Variants in EPHA6 observed in about 807,000 individuals in gnomAD.
EPHA6 encodes EPH receptor A6.
A neutral mutation model predicts 112.0 loss-of-function variants in EPHA6; 50 were observed. The observed-to-expected ratio is 0.45, with a 90% CI of 0.36 to 0.56. The LOEUF (loss-of-function observed/expected upper bound fraction) is 0.56, where lower values mean the gene tolerates loss of function less well. Among genes scored for constraint, EPHA6 ranks in the 20% least tolerant of loss-of-function variants. EPHA6 has a pLI of 0.00. For missense variants in EPHA6, 1,280 were observed against 1,417.4 expected, an observed-to-expected ratio of 0.90 and a Z score of 1.56; for synonymous variants, 529 against 490.7, an observed-to-expected ratio of 1.08 and a Z score of -1.03.
rs990357533 is a variant in EPHA6, at chr3:97,758,260, C to T, written c.*9559C>T. 6.6e-6 allele frequency among the ~76,000 whole-genome samples: 1 copy of T among 151,864 alleles called. No homozygotes were observed. The highest frequency in any genetic ancestry group is 1.9e-4 in the East Asian group (1 of 5,182). On this transcript the variant is annotated 3_prime_UTR_variant, in exon 18 of 18. Coordinates refer to ENST00000389672, the MANE Select transcript of EPHA6 (RefSeq NM_001080448.3). ...TCCCTACCTTACAACCTTGATCACT[C>T]TACCATTAAATGCAATAATAAGGTA...
chr3:96,971,531 G>A (rs1398987765), intron 2 of EPHA6, among the ~76,000 whole-genome samples: 2 of 152,036 alleles, frequency 1.3e-5, no homozygotes, highest in Non-Finnish European at 2.9e-5. Context: ...TACATGCCTA[G>A]CAGCAGAATT....
intron 1 of EPHA6, among the ~76,000 whole-genome samples, chr3:96,816,486 TA>T (rs1355384013): frequency 6.6e-6 from 1 of 152,162 alleles, no homozygotes; most frequent in Non-Finnish European, 1.5e-5. Flanking sequence ...AGAAGATTGT[TA>T]AAAAACGTGT....
intron 1 of EPHA6, among the ~76,000 whole-genome samples, chr3:96,848,028 A>C (rs1401134589): frequency 6.6e-6 from 1 of 152,118 alleles, no homozygotes; most frequent in South Asian, 2.1e-4. Context: ...GTGTTCATTC[A>C]TTCTACATAG....
At chr3:97,214,038 T>TGTGTGTGTGTGTGTGAGAGA (rs1491420279) in intron 3 of EPHA6, among the ~76,000 whole-genome samples, 53 of 77,834 alleles carry the variant, frequency 6.8e-4, no homozygotes, top group African/African-American at 1.8e-3. Context: ...TGTGTGTGTG[T>TGTGTGTGTGTGTGTGAGAGA]GAGAGAGAGA....
chr3:97,695,154 A>T (rs568602829), intron 14 of EPHA6, among the ~76,000 whole-genome samples: 2 of 152,372 alleles, frequency 1.3e-5, no homozygotes, highest in African/African-American at 4.8e-5. Context: ...AGTGAGATAC[A>T]TCATCAGTGA....
chr3:96,849,223 C>T (rs769865146), intron 1 of EPHA6, among the ~76,000 whole-genome samples: 23 of 152,016 alleles, frequency 1.5e-4, no homozygotes, highest in Non-Finnish European at 1.5e-5. Context: ...TTATAAAACT[C>T]AAAGGTAATA....
chr3:97,032,001 T>G (rs1391339501), intron 3 of EPHA6, among the ~76,000 whole-genome samples: 3 of 152,172 alleles, frequency 2.0e-5, no homozygotes, highest in Non-Finnish European at 4.4e-5. Flanking sequence ...TGCACACGTA[T>G]GTTTATTGTG....
At chr3:97,338,866 C>T (rs2083179689) in intron 5 of EPHA6, among the ~76,000 whole-genome samples, 2 of 152,126 alleles carry the variant, frequency 1.3e-5, no homozygotes, top group Admixed American at 1.3e-4. Context: ...CAAAAGGCTT[C>T]CCACAGAAAA....
intron 12 of EPHA6, among the ~76,000 whole-genome samples, chr3:97,610,391 G>A (rs890804350): frequency 7.3e-5 from 11 of 151,612 alleles, no homozygotes. Context: ...AGGCAAAATT[G>A]CTGCACTGCC....
chr3:97,130,532 AT>A (rs1406859234), intron 3 of EPHA6, among the ~76,000 whole-genome samples: 1 of 151,830 alleles, frequency 6.6e-6, no homozygotes, highest in East Asian at 1.9e-4. Context: ...TATTTTTGTC[AT>A]TTTTCTGCAC....
chr3:97,080,090 A>C (rs1353884425), intron 3 of EPHA6, among the ~76,000 whole-genome samples: 1 of 152,142 alleles, frequency 6.6e-6, no homozygotes, highest in Non-Finnish European at 1.5e-5. Flanking sequence ...CTGAACCCAC[A>C]ATATCTCCAT....
In EPHA6 at chr3:96,876,543, T is replaced by G. The variant is rs1576210288; in HGVS notation, c.450+9654T>G. The stretch of plus-strand genomic sequence containing the variant: ...TTTCTAAGCTGAAGATCAATTTATG[T>G]CCATGTCACTACTCTACTAAACCCC... On this transcript the variant is annotated intron_variant, in intron 2 of 17. Transcript: ENST00000389672. Among the ~76,000 whole-genome samples, 6 of 152,008 alleles carry G rather than the reference T, an allele frequency of 3.9e-5. No individual in the cohort carries two copies. The South Asian group carries it at 1.2e-3, about 32-fold the overall frequency.
At chr3:96,912,456 C>T (rs775995520) in intron 2 of EPHA6, among the ~76,000 whole-genome samples, 43 of 151,952 alleles carry the variant, frequency 2.8e-4, no homozygotes, top group Non-Finnish European at 4.0e-4. Context: ...ATACTGAGAC[C>T]GTGAAATAAT....
At chr3:96,835,316 C>A (rs62262934) in intron 1 of EPHA6, among the ~76,000 whole-genome samples, 6,907 of 152,086 alleles carry the variant, frequency 0.045, 202 homozygotes, top group Middle Eastern at 0.075. Flanking sequence ...GTATGTACAG[C>A]TTATCAAAGG....
chr3:97,552,418 G>A (rs1208860088), intron 11 of EPHA6, among the ~76,000 whole-genome samples: 3 of 152,116 alleles, frequency 2.0e-5, no homozygotes, highest in Non-Finnish European at 4.4e-5. Context: ...CAGGTTGGCA[G>A]GGAAGTTGGC....
At chr3:97,280,594 T>C (rs1394522736) in intron 5 of EPHA6, among the ~76,000 whole-genome samples, 2 of 152,186 alleles carry the variant, frequency 1.3e-5, no homozygotes, top group African/African-American at 4.8e-5. Flanking sequence ...CTCTATGGTC[T>C]CTTCGAGCAC....
In EPHA6 at chr3:96,917,079, A is replaced by T. The variant is rs2039518330; in HGVS notation, c.450+50190A>T. Among the ~76,000 whole-genome samples, 3 of 152,176 alleles carry T rather than the reference A, an allele frequency of 2.0e-5. No individual in the cohort carries two copies. In the South Asian group the frequency reaches 6.2e-4, roughly 32 times the overall value. On this transcript the variant is annotated intron_variant, in intron 2 of 17. Transcript: ENST00000389672. ...TCGTATCTTCTAACAGTTTTTTTCC[A>T]TAGCCAGAATATTGTTCATATTGCA...
chr3:97,020,205 TC>T (rs1418150177), intron 3 of EPHA6, among the ~76,000 whole-genome samples: 1 of 152,170 alleles, frequency 6.6e-6, no homozygotes, highest in Non-Finnish European at 1.5e-5. Flanking sequence ...CCAGCCAAGA[TC>T]CACAGACTGA....
At chr3:97,567,212 G>C (rs1468478497) in intron 11 of EPHA6, among the ~76,000 whole-genome samples, 9 of 152,136 alleles carry the variant, frequency 5.9e-5, no homozygotes, top group Non-Finnish European at 1.5e-5. Flanking sequence ...GCCTTTCTGA[G>C]TCTATTTTCC....
Sources: gnomAD v4.1 joint callset for allele counts (sites outside exome capture counted in the v4.1 genomes callset) on GRCh38, gnomAD v4.1.1 for gene constraint, MANE v1.5 for transcripts, NCBI Gene and HGNC (gene_info 2026-07-23, HGNC 2026-07-21) for gene names.